CENPP: variants seen among roughly 807,000 people sequenced by gnomAD.
CENPP encodes centromere protein P.
Under a neutral mutation model 35.6 loss-of-function variants are expected in CENPP, and 24 were observed. That is an observed-to-expected ratio of 0.67 (90% CI 0.49 to 0.95). CENPP has a LOEUF of 0.95. Among genes scored for constraint, CENPP ranks in the 40% least tolerant of loss-of-function variants. CENPP has a pLI of 0.00. For synonymous variants in CENPP, 120 were observed against 125.5 expected (o/e 0.96, Z 0.29); for missense variants, 332 against 345.3 (o/e 0.96, Z 0.31).
chr9:92,492,791 G>A (rs147332286), intron 5 of CENPP, among the ~76,000 whole-genome samples: 1 of 152,116 alleles, frequency 6.6e-6, no homozygotes, highest in African/African-American at 2.4e-5. Context: ...AAGATGCAGG[G>A]GAAGTCCAGA....
In CENPP at chr9:92,552,044, T is replaced by TATAGGTCTATCATATATGTGATATG. The variant is rs1849616059; in HGVS notation, c.565-59265_565-59241dup. Among the ~76,000 whole-genome samples the TATAGGTCTATCATATATGTGATATG allele has an allele frequency of 9.1e-5, 6 of 65,656 alleles. 1 individual carries two copies. The highest frequency in any genetic ancestry group is 3.4e-4 in the African/African-American group (2 of 5,924). 43.1% of individuals were successfully genotyped at this position (65,656 alleles called of 152,430 possible). ...GATAGATCTATCATATATGTGATAT[T>TATAGGTCTATCATATATGTGATATG]ATAGGTCTATCATATATGTGATATG... is the stretch of plus-strand genomic sequence containing the variant. On this transcript the variant is annotated intron_variant, in intron 5 of 7. Coordinates refer to ENST00000375587, the MANE Select transcript of CENPP (RefSeq NM_001012267.3).
At chr9:92,515,100 C>T (rs746538965) in intron 5 of CENPP, 2 of 1,613,956 alleles carry the variant, frequency 1.2e-6, no homozygotes, top group East Asian at 4.5e-5. Flanking sequence ...GAGGAGGTGG[C>T]AGTTGCTTAT....
chr9:92,470,272 T>C (rs1444413723), intron 5 of CENPP, among the ~76,000 whole-genome samples: 1 of 152,264 alleles, frequency 6.6e-6, no homozygotes, highest in African/African-American at 2.4e-5. Flanking sequence ...AGATATATTC[T>C]GTGTGCTGCT....
chr9:92,604,212 CTCTT>C (rs1036774486), intron 5 of CENPP, among the ~76,000 whole-genome samples: 1 of 152,146 alleles, frequency 6.6e-6, no homozygotes, highest in African/African-American at 2.4e-5. Context: ...TAGTATTGTT[CTCTT>C]TTTTATTTTA....
chr9:92,361,656 A>G (rs886105449), intron 4 of CENPP, among the ~76,000 whole-genome samples: 5 of 149,762 alleles, frequency 3.3e-5, no homozygotes, highest in Non-Finnish European at 4.4e-5. Flanking sequence ...ATTTTTTTGT[A>G]TTTTTAGTAG....
rs553735359 is a variant in CENPP, at chr9:92,575,194, G to A, written c.565-36120G>A. On this transcript the variant is annotated intron_variant, in intron 5 of 7. Transcript: ENST00000375587. ...AGCAAAGGTATAGTCAACTTAAGGA[G>A]AAGAGACAGATTGGACTTAGTGAAA... Among the ~76,000 whole-genome samples, 3 of 152,326 alleles carry A rather than the reference G, an allele frequency of 2.0e-5. No homozygotes were observed. The South Asian group carries it at 6.2e-4, about 32-fold the overall frequency.
intron 5 of CENPP, among the ~76,000 whole-genome samples, chr9:92,489,637 T>C (rs1294746237): frequency 6.6e-6 from 1 of 152,136 alleles, no homozygotes; most frequent in Non-Finnish European, 1.5e-5. Flanking sequence ...TATGATGAGA[T>C]GTCATTTACA....
intron 5 of CENPP, among the ~76,000 whole-genome samples, chr9:92,419,604 G>T (rs1843726224): frequency 6.6e-6 from 1 of 152,100 alleles, no homozygotes; most frequent in Admixed American, 6.6e-5. Flanking sequence ...CAGCCTCCTT[G>T]TGTCATATCT....
At chr9:92,352,508 TAC>T (rs1322187737) in intron 4 of CENPP, among the ~76,000 whole-genome samples, 33 of 92,548 alleles carry the variant, frequency 3.6e-4, no homozygotes, top group African/African-American at 6.3e-4. Flanking sequence ...TGTGTGTGTA[TAC>T]ATATATATAT....
intron 5 of CENPP, among the ~76,000 whole-genome samples, chr9:92,583,234 T>C (rs1267768936): frequency 6.6e-6 from 1 of 152,116 alleles, no homozygotes; most frequent in Admixed American, 6.6e-5. Context: ...TAGTATAGAG[T>C]TAAACATATT....
At chr9:92,403,312 A>G in intron 5 of CENPP, 2 of 1,612,788 alleles carry the variant, frequency 1.2e-6, no homozygotes, top group South Asian at 1.1e-5. Flanking sequence ...CTGTTCCATA[A>G]TCATAGATAA....
intron 5 of CENPP, among the ~76,000 whole-genome samples, chr9:92,574,014 A>G (rs756772629): frequency 2.1e-4 from 32 of 152,146 alleles, no homozygotes; most frequent in Admixed American, 4.6e-4. Flanking sequence ...TCCCTTGGCT[A>G]GGAAAGGGAA....
chr9:92,346,337 T>C (rs1191924990), intron 4 of CENPP, among the ~76,000 whole-genome samples: 1 of 152,166 alleles, frequency 6.6e-6, no homozygotes, highest in Non-Finnish European at 1.5e-5. Flanking sequence ...AATCATTTGC[T>C]GAAGCTTGAA....
rs1564005533 is a variant in CENPP, at chr9:92,567,383, T to TATATATATATATATAG, written c.565-43918_565-43917insTAGATATATATATATA. On this transcript the variant is annotated intron_variant, in intron 5 of 7. Coordinates refer to ENST00000375587, the MANE Select transcript of CENPP (RefSeq NM_001012267.3). Reference sequence around the variant, plus strand: ...CAGTTACATAAGATAGATATATATATATATATATATATAGATATATATATA... The same window carrying TATATATATATATATAG: ...CAGTTACATAAGATAGATATATATATATATATATATATATAGATATATATATATAGATATATATATA... 1.6e-4 allele frequency among the ~76,000 whole-genome samples: 15 copies of TATATATATATATATAG among 94,622 alleles called. 1 individual carries two copies. The South Asian group carries it at 3.8e-3, about 24-fold the overall frequency. The allele number at this position is 94,622 out of a possible 152,430, so 62.1% of individuals were successfully genotyped here.
At chr9:92,480,430 C>T (rs1172562829) in intron 5 of CENPP, among the ~76,000 whole-genome samples, 1 of 152,192 alleles carries the variant, frequency 6.6e-6, no homozygotes, top group Non-Finnish European at 1.5e-5. Context: ...GTGCTTTGCA[C>T]TAGACTGCAT....
chr9:92,586,657 T>C (rs1850548469), intron 5 of CENPP, among the ~76,000 whole-genome samples: 1 of 151,992 alleles, frequency 6.6e-6, no homozygotes, highest in African/African-American at 2.4e-5. Flanking sequence ...AGTGCCCCTC[T>C]CAGAGCCAAA....
intron 5 of CENPP, chr9:92,494,087 C>T: frequency 6.3e-7 from 1 of 1,597,364 alleles, no homozygotes; most frequent in Non-Finnish European, 8.5e-7. Flanking sequence ...TTGCCTCTAC[C>T]AGAGAGGAAA....
intron 5 of CENPP, among the ~76,000 whole-genome samples, chr9:92,576,541 T>C (rs1215003133): frequency 6.6e-6 from 1 of 152,214 alleles, no homozygotes; most frequent in East Asian, 1.9e-4. Flanking sequence ...TTAAAAATCA[T>C]AATGCATTGT....
chr9:92,456,664 T>C (rs1172709682), intron 5 of CENPP: 1 of 152,754 alleles, frequency 6.5e-6, no homozygotes, highest in Non-Finnish European at 1.5e-5. Flanking sequence ...AACCAGCTCT[T>C]ATGAGTAGCA....
Sources: allele counts gnomAD v4.1 joint callset (sites outside exome capture counted in the v4.1 genomes callset), GRCh38; gene constraint gnomAD v4.1.1; transcripts MANE v1.5; gene names NCBI Gene and HGNC (gene_info 2026-07-23, HGNC 2026-07-21).